C10orf67: variants seen among roughly 807,000 people sequenced by gnomAD.
The protein encoded by C10orf67 is uncharacterized protein C10orf67, mitochondrial.
In C10orf67, 60 loss-of-function variants were observed where a neutral mutation model predicts 35.6. The observed-to-expected ratio is 1.68, with a 90% CI of 1.37 to 2.09. The LOEUF (loss-of-function observed/expected upper bound fraction) is 2.09, where lower values mean the gene tolerates loss of function less well. C10orf67 is among the 30% of genes most tolerant of loss of function. C10orf67 has a pLI of 0.00. For missense variants in C10orf67, 474 were observed against 330.2 expected (o/e 1.44, Z -3.38); for synonymous variants, 167 against 115.8 (o/e 1.44, Z -2.84).
chr10:23,275,465 C>A (rs1843161087), intron 8 of C10orf67, among the ~76,000 whole-genome samples: 1 of 152,152 alleles, frequency 6.6e-6, no homozygotes, highest in African/African-American at 2.4e-5. Flanking sequence ...GCAACTCTCC[C>A]CTGCAGGCCT....
Position 23,342,361 on chromosome 10 carries a change from G to A in C10orf67, c.206+2208C>T, listed in dbSNP as rs146210703. 9.1e-3 allele frequency among the ~76,000 whole-genome samples: 1,381 copies of A among 151,938 alleles called. 25 individuals carry two copies. The highest frequency in any genetic ancestry group is 0.031 in the African/African-American group (1,299 of 41,424). On this transcript the variant is annotated intron_variant, in intron 1 of 15. Transcript: ENST00000636213. ...TTTATCTAGTTCATCATCAATTCCT[G>A]ACTAGGATGCAAACTCCACAAAGGC... is the stretch of plus-strand genomic sequence containing the variant.
chr10:23,271,803 G>A (rs1843033002), intron 8 of C10orf67, among the ~76,000 whole-genome samples: 1 of 152,088 alleles, frequency 6.6e-6, no homozygotes, highest in Non-Finnish European at 1.5e-5. Context: ...AGAGTTCTTT[G>A]CATAGTCTAT....
At chr10:23,328,352 A>G (rs1845281832) in intron 2 of C10orf67, among the ~76,000 whole-genome samples, 2 of 152,182 alleles carry the variant, frequency 1.3e-5, no homozygotes, top group African/African-American at 4.8e-5. Flanking sequence ...CCAAAGAAAC[A>G]TATGGCAAGG....
chr10:23,261,346 T>G (rs1374585836), intron 10 of C10orf67, among the ~76,000 whole-genome samples: 2 of 152,218 alleles, frequency 1.3e-5, no homozygotes, highest in African/African-American at 4.8e-5. Context: ...AGGATCTAGC[T>G]TTATTGTCCT....
chr10:23,326,172 A>G (rs1845186098), intron 2 of C10orf67, among the ~76,000 whole-genome samples: 2 of 152,174 alleles, frequency 1.3e-5, no homozygotes, highest in South Asian at 4.1e-4. Context: ...AAACATGCAG[A>G]TTGTAGATGC....
chr10:23,241,975 T>TA (rs915267427), intron 12 of C10orf67, among the ~76,000 whole-genome samples: 5 of 151,544 alleles, frequency 3.3e-5, no homozygotes, highest in African/African-American at 1.2e-4. Flanking sequence ...TTTTTTTTTT[T>TA]AATTTACTCA....
chr10:23,306,715 C>T (rs1242059630), intron 4 of C10orf67, among the ~76,000 whole-genome samples: 2 of 152,002 alleles, frequency 1.3e-5, no homozygotes, highest in South Asian at 2.1e-4. Context: ...GCCAAGAGAG[C>T]AGATCTTGTG....
At chr10:23,243,967 C>T (rs183990849) in intron 12 of C10orf67, among the ~76,000 whole-genome samples, 108 of 152,312 alleles carry the variant, frequency 7.1e-4, no homozygotes, top group African/African-American at 2.5e-3. Flanking sequence ...ACAGGGCTTA[C>T]GGCAGCCTTG....
intron 13 of C10orf67, among the ~76,000 whole-genome samples, chr10:23,227,188 A>G (rs1029016365): frequency 3.3e-5 from 5 of 152,234 alleles, no homozygotes; most frequent in Admixed American, 2.0e-4. Context: ...AAAATCCTCA[A>G]TAAAATACTG....
At chr10:23,273,117 C>T (rs1009942156) in intron 8 of C10orf67, among the ~76,000 whole-genome samples, 5 of 152,102 alleles carry the variant, frequency 3.3e-5, no homozygotes, top group African/African-American at 7.2e-5. Flanking sequence ...ATGATCATGT[C>T]GTCTGGGAAT....
rs182785868 is a variant in C10orf67, at chr10:23,310,425, G to A, written c.547-6966C>T. Among the ~76,000 whole-genome samples the A allele has an allele frequency of 7.9e-4, 121 of 152,314 alleles. 2 individuals are homozygous for A. Among genetic ancestry groups the A allele is most frequent in the Admixed American group, 3.1e-3 (48 of 15,304 alleles). On this transcript the variant is annotated intron_variant, in intron 4 of 15. Transcript: ENST00000636213. ...AGATTCTCCAACTATCTGGTGCAGA[G>A]GAGAGGGAGAAACGTTAAGGGAACA...
chr10:23,208,417 T>C lies in C10orf67; in HGVS notation c.1571-4162A>G, dbSNP rs1841215197. On this transcript the variant is annotated intron_variant, in intron 15 of 15. Transcript: ENST00000636213. ...TTCTTATGGGAAAAGTGGTTATTAA[T>C]ATATAATTCTGAAGAGCAAGGTAGC... 3.9e-5 allele frequency among the ~76,000 whole-genome samples: 6 copies of C among 152,196 alleles called. No individual in the cohort carries two copies. The South Asian group carries it at 1.2e-3, about 31-fold the overall frequency.
chr10:23,317,531 A>G (rs1209770714), intron 4 of C10orf67: 1 of 152,188 alleles, frequency 6.6e-6, no homozygotes, highest in Non-Finnish European at 1.5e-5. Context: ...CCCCTGCTGC[A>G]GCCGGCATCT....
At chr10:23,332,715 C>G (rs998646156) in intron 2 of C10orf67, among the ~76,000 whole-genome samples, 1 of 150,850 alleles carries the variant, frequency 6.6e-6, no homozygotes. Context: ...AACAAAATGT[C>G]AAAATTTGAC....
intron 12 of C10orf67, 139 bp downstream of exon 12, chr10:23,250,316 A>G (rs1415490899): frequency 2.6e-6 from 1 of 391,988 alleles, no homozygotes; most frequent in Non-Finnish European, 4.5e-6. Context: ...TCTATTTTAG[A>G]CCAATTATTT....
At position 23,318,984 on chromosome 10, in the gene C10orf67, C is replaced by T. The variant is rs1394754550; in HGVS notation, c.546+1757G>A. On this transcript the variant is annotated intron_variant, in intron 4 of 15. Transcript: ENST00000636213. ...AAGCAAAGAAAAAGAAAGGGTCTTC[C>T]ATGAGAACCCTTTTTTTTCTTTCCA... The T allele has an allele frequency of 9.6e-6, 7 of 731,132 alleles. No individual in the cohort carries two copies. The African/African-American group carries it at 1.0e-4, about 11-fold the overall frequency. The allele number at this position is 731,132 out of a possible 1,614,324, so 45.3% of individuals were successfully genotyped here.
intron 5 of C10orf67, among the ~76,000 whole-genome samples, chr10:23,301,069 G>A (rs1300756865): frequency 6.6e-6 from 1 of 152,190 alleles, no homozygotes; most frequent in Non-Finnish European, 1.5e-5. Context: ...AAAGAAAAAG[G>A]TACATGCACT....
chr10:23,318,324 A>T (rs1202073598), intron 4 of C10orf67: 1 of 152,322 alleles, frequency 6.6e-6, no homozygotes, highest in African/African-American at 2.4e-5. Context: ...GGGGTGACTC[A>T]AAGGCTGGGC....
intron 10 of C10orf67, chr10:23,258,175 G>T: frequency 6.5e-6 from 1 of 154,462 alleles, no homozygotes; most frequent in East Asian, 1.9e-4. Flanking sequence ...CTGGTGGCCT[G>T]GCATGGTGCT....
Sources: allele counts gnomAD v4.1 joint callset (sites outside exome capture counted in the v4.1 genomes callset), GRCh38; gene constraint gnomAD v4.1.1; transcripts MANE v1.5; gene names NCBI Gene and HGNC (gene_info 2026-07-23, HGNC 2026-07-21).